The following C9orf85 variants were observed in gnomAD, a reference collection of about 807,000 sequenced individuals.
C9orf85 encodes uncharacterized protein C9orf85.
A neutral mutation model predicts 14.9 loss-of-function variants in C9orf85; 16 were observed. That is an observed-to-expected ratio of 1.08 (90% CI 0.73 to 1.63). The LOEUF (loss-of-function observed/expected upper bound fraction) is 1.63. C9orf85 is among the 40% of genes most tolerant of loss of function. The probability of loss-of-function intolerance (pLI) is 0.00; values close to 1 mark genes in which losing one functional copy is unlikely to be tolerated. For missense variants in C9orf85, 172 were observed against 186.1 expected, an observed-to-expected ratio of 0.92 and a Z score of 0.44; for synonymous variants, 45 against 56.8, an observed-to-expected ratio of 0.79 and a Z score of 0.93.
At chr9:71,925,646 A>C (rs1203415963) in intron 1 of C9orf85, among the ~76,000 whole-genome samples, 7 of 152,210 alleles carry the variant, frequency 4.6e-5, no homozygotes, top group Non-Finnish European at 1.0e-4. Flanking sequence ...GAAGAAAAGG[A>C]ACATATAGCT....
intron 2 of C9orf85, among the ~76,000 whole-genome samples, chr9:71,970,069 C>G (rs1822817528): frequency 6.6e-6 from 1 of 151,990 alleles, no homozygotes; most frequent in South Asian, 2.1e-4. Context: ...CTCAGCCTCT[C>G]AAGTAGCTGA....
intron 3 of C9orf85, among the ~76,000 whole-genome samples, chr9:71,979,043 A>T (rs983651830): frequency 1.4e-5 from 2 of 144,802 alleles, no homozygotes; most frequent in African/African-American, 2.5e-5. Flanking sequence ...CAAGAAAAAA[A>T]AATGTTTTTT....
intron 3 of C9orf85, among the ~76,000 whole-genome samples, chr9:71,980,960 G>T (rs1259112505): frequency 2.0e-5 from 3 of 152,170 alleles, no homozygotes; most frequent in African/African-American, 7.2e-5. Context: ...GTACACTTCA[G>T]ATCCTATTAA....
intron 1 of C9orf85, among the ~76,000 whole-genome samples, chr9:71,943,543 T>C (rs150195004): frequency 1.3e-4 from 19 of 150,866 alleles, no homozygotes; most frequent in African/African-American, 4.2e-4. Context: ...CTTTTTTTTG[T>C]TTTTTGTTTT....
intron 2 of C9orf85, among the ~76,000 whole-genome samples, chr9:71,954,976 G>T (rs1179599808): frequency 6.6e-6 from 1 of 152,104 alleles, no homozygotes; most frequent in Non-Finnish European, 1.5e-5. Context: ...GCCAAACCAA[G>T]ACGTTAAAGA....
chr9:71,961,053 C>T (rs763404485), intron 2 of C9orf85, among the ~76,000 whole-genome samples: 3 of 151,842 alleles, frequency 2.0e-5, no homozygotes, highest in East Asian at 4.0e-4. Flanking sequence ...CCTGGGATTA[C>T]AGGCATGCGC....
At chr9:71,928,186 C>CTAAAAAAA (rs1827975392) in intron 1 of C9orf85, among the ~76,000 whole-genome samples, 1 of 74,286 alleles carries the variant, frequency 1.3e-5, no homozygotes, top group African/African-American at 5.6e-5. Flanking sequence ...GGCTCTGTCT[C>CTAAAAAAA]AAAAAAAAAA....
At chr9:71,975,441 C>CAAA (rs35034545), downstream of C9orf85, among the ~76,000 whole-genome samples, 2 of 94,480 alleles carry the variant, frequency 2.1e-5, no homozygotes, top group Non-Finnish European at 4.6e-5. Flanking sequence ...GACTCCATCT[C>CAAA]AAAAAAAAAA....
At chr9:71,980,944 G>A (rs1021825547) in intron 3 of C9orf85, among the ~76,000 whole-genome samples, 2 of 152,158 alleles carry the variant, frequency 1.3e-5, no homozygotes, top group Non-Finnish European at 2.9e-5. Context: ...CTTGGTCATG[G>A]TAATAGTACA....
At chr9:71,948,569 T>A (rs1298331362) in intron 2 of C9orf85, among the ~76,000 whole-genome samples, 1 of 152,194 alleles carries the variant, frequency 6.6e-6, no homozygotes, top group Non-Finnish European at 1.5e-5. Context: ...TCACCTAGGC[T>A]GCAGTGCAGT....
At chr9:71,971,815 T>C (rs1564101820) in intron 3 of C9orf85, among the ~76,000 whole-genome samples, 197 bp downstream of exon 3, 1 of 151,788 alleles carries the variant, frequency 6.6e-6, no homozygotes, top group Non-Finnish European at 1.5e-5. Context: ...CTACTAAAAA[T>C]ACAAAAAAAT....
intron 1 of C9orf85, among the ~76,000 whole-genome samples, chr9:71,938,281 T>C (rs1828239999): frequency 6.6e-6 from 1 of 152,070 alleles, no homozygotes; most frequent in African/African-American, 2.4e-5. Flanking sequence ...GTCAGTGTCT[T>C]CTATTCTTTT....
intron 2 of C9orf85, among the ~76,000 whole-genome samples, chr9:71,960,618 G>A (rs563026120): frequency 6.6e-6 from 1 of 152,262 alleles, no homozygotes; most frequent in South Asian, 2.1e-4. Flanking sequence ...TGTCACCCAG[G>A]CTGGAGTGCA....
chr9:71,972,081 A>G (rs1054209856), intron 3 of C9orf85, among the ~76,000 whole-genome samples: 2 of 152,234 alleles, frequency 1.3e-5, no homozygotes, highest in East Asian at 1.9e-4. Context: ...TATCATTACA[A>G]TAAAAGTGAA....
chr9:71,939,680 T>C (rs1402028685), intron 1 of C9orf85, among the ~76,000 whole-genome samples: 1 of 152,124 alleles, frequency 6.6e-6, no homozygotes, highest in African/African-American at 2.4e-5. Context: ...ACAAAAATAG[T>C]TGGAAGAATT....
intron 2 of C9orf85, among the ~76,000 whole-genome samples, chr9:71,956,209 A>T (rs1822374642): frequency 6.8e-6 from 1 of 147,946 alleles, no homozygotes; most frequent in African/African-American, 2.5e-5. Flanking sequence ...AGCATTGGGT[A>T]TCACAATTGG....
At position 71,921,477 on chromosome 9, in the gene C9orf85, G is replaced by C. The variant is rs924647302; in HGVS notation, c.102+9641G>C. Among the ~76,000 whole-genome samples, 8 of 152,210 alleles carry C rather than the reference G, an allele frequency of 5.3e-5. No individual in the cohort carries two copies. The South Asian group carries it at 1.4e-3, about 28-fold the overall frequency. On this transcript the variant is annotated intron_variant, in intron 1 of 3. Coordinates refer to ENST00000334731, the MANE Select transcript of C9orf85 (RefSeq NM_182505.5). ...TTTGAATCCACATATGATCTGGAAG[G>C]CTCCCCCACCTCCCTTCCCTACAAG...
intron 1 of C9orf85, among the ~76,000 whole-genome samples, chr9:71,932,817 G>C (rs183111987): frequency 1.1e-4 from 16 of 152,210 alleles, no homozygotes; most frequent in Admixed American, 2.6e-4. Flanking sequence ...GGATCTATTA[G>C]AACTTTGAAA....
intron 1 of C9orf85, among the ~76,000 whole-genome samples, chr9:71,930,691 G>A (rs1246078720): frequency 2.0e-5 from 3 of 150,564 alleles, no homozygotes; most frequent in Non-Finnish European, 4.4e-5. Context: ...TGTGGTCCCA[G>A]CTACTAGGGA....
Sources: allele counts gnomAD v4.1 joint callset (sites outside exome capture counted in the v4.1 genomes callset), GRCh38; gene constraint gnomAD v4.1.1; transcripts MANE v1.5; gene names NCBI Gene and HGNC (gene_info 2026-07-23, HGNC 2026-07-21).